Variants in SESTD1 observed in about 807,000 individuals in gnomAD.
SESTD1 encodes SEC14 and spectrin domain containing 1.
A neutral mutation model predicts 101.7 loss-of-function variants in SESTD1; 43 were observed. The ratio of observed to expected loss-of-function variants is 0.42; its 90% CI spans 0.33 to 0.55. The LOEUF is 0.55. SESTD1 is among the 20% of genes least tolerant of loss of function. The pLI is 0.07. For synonymous variants in SESTD1, 283 were observed against 286.8 expected (o/e 0.99, Z 0.13); for missense variants, 647 against 815.1 (o/e 0.79, Z 2.51).
chr2:179,215,974 T>C (rs2046714929), intron 1 of SESTD1, among the ~76,000 whole-genome samples: 1 of 135,080 alleles, frequency 7.4e-6, no homozygotes, highest in South Asian at 2.8e-4. Flanking sequence ...TACTAGGTAT[T>C]GATGAAACAT....
intron 4 of SESTD1, among the ~76,000 whole-genome samples, chr2:179,172,649 A>G (rs181690565): frequency 1.3e-3 from 199 of 152,326 alleles, no homozygotes; most frequent in African/African-American, 4.6e-3. Flanking sequence ...TCTCACTAAA[A>G]TAAGTTTTTT....
chr2:179,116,841 T>C (rs1412152841), intron 14 of SESTD1, 51 bp from the exon 15 acceptor site: 5 of 1,585,748 alleles, frequency 3.2e-6, no homozygotes, highest in Non-Finnish European at 4.3e-6. Context: ...CTTTACTTAT[T>C]GTATCAAAAT....
chr2:179,149,326 A>G lies in SESTD1; in HGVS notation c.552T>C (p.Ser184=), dbSNP rs1188987431. 7.4e-6 allele frequency: 12 copies of G among 1,610,994 alleles called. No homozygotes were observed. Among genetic ancestry groups the G allele is most frequent in the Non-Finnish European group, 1.0e-5 (12 of 1,179,268 alleles). Residue 184 remains serine, a synonymous_variant, in exon 7 of 18, where the codon AGT becomes AGC. Transcript: ENST00000428443. ...LDELALINNG[S]DKGNQQEKER... ...CTTTCTCTTGCTGATTTCCTTTATC[A>G]CTTCCATTGTTAATCAAAGCAAGTT... is the stretch of plus-strand genomic sequence containing the variant.
At chr2:179,137,322 A>G (rs13396334) in intron 9 of SESTD1, among the ~76,000 whole-genome samples, 25,159 of 152,152 alleles carry the variant, frequency 0.17, 2,269 homozygotes, top group South Asian at 0.29. Context: ...CAGAACATGT[A>G]GAAGTATGCA....
intron 4 of SESTD1, 97 bp from the exon 5 acceptor site, chr2:179,172,330 G>A: frequency 1.5e-6 from 1 of 645,310 alleles, no homozygotes. Context: ...TGCTACATAA[G>A]AGATTTTTGG....
At chr2:179,174,637 T>C (rs1194025135) in intron 4 of SESTD1, among the ~76,000 whole-genome samples, 1 of 152,130 alleles carries the variant, frequency 6.6e-6, no homozygotes, top group East Asian at 1.9e-4. Flanking sequence ...GGACACCAAT[T>C]TGTGCTCCCT....
chr2:179,199,757 CCTTCATGCTAAAAA>C (rs2046473964), intron 1 of SESTD1, among the ~76,000 whole-genome samples: 1 of 152,104 alleles, frequency 6.6e-6, no homozygotes, highest in Non-Finnish European at 1.5e-5. Context: ...ATTCAACAAC[CCTTCATGCTAAAAA>C]CTCTCAATAA....
chr2:179,115,244 A>T lies in SESTD1; in HGVS notation c.1660T>A (p.Tyr554Asn), dbSNP rs2044602757. The T allele has an allele frequency of 4.4e-6, 7 of 1,587,090 alleles. No homozygotes were observed. Among genetic ancestry groups the T allele is most frequent in the Non-Finnish European group, 6.0e-6 (7 of 1,172,488 alleles). The change falls in exon 16 of 18, where the codon TAT (tyrosine) becomes AAT (asparagine). Residue 554 changes from tyrosine to asparagine, a missense_variant. Tyr to Asn is a moderately radical substitution (Grantham distance 143, BLOSUM62 -2). Coordinates refer to ENST00000428443, the MANE Select transcript of SESTD1 (RefSeq NM_178123.5). The part of the protein sequence containing the change: ...FVDVAQSTYD[Y>N]GRQLLQATVV... ...GTGGCCTGTAGCAACTGCCTGCCAT[A>T]GTCATAAGTGCTCTAAAAAAGAAAA...
intron 1 of SESTD1, among the ~76,000 whole-genome samples, chr2:179,195,862 A>G (rs75688487): frequency 6.6e-6 from 1 of 151,942 alleles, no homozygotes; most frequent in Non-Finnish European, 1.5e-5. Flanking sequence ...AAAAAAAAAA[A>G]GACTTCGTAT....
intron 1 of SESTD1, among the ~76,000 whole-genome samples, chr2:179,198,563 C>T (rs2046444387): frequency 1.3e-5 from 2 of 152,040 alleles, no homozygotes; most frequent in Non-Finnish European, 1.5e-5. Context: ...AAGTACAGCT[C>T]TCCTCAGCAA....
chr2:179,221,461 A>T (rs2046813665), intron 1 of SESTD1, among the ~76,000 whole-genome samples: 1 of 151,944 alleles, frequency 6.6e-6, no homozygotes, highest in African/African-American at 2.4e-5. Flanking sequence ...AAAAATACAA[A>T]AATTAGCCAG....
intron 1 of SESTD1, among the ~76,000 whole-genome samples, chr2:179,249,203 C>T (rs1200346870): frequency 8.7e-6 from 1 of 115,450 alleles, no homozygotes; most frequent in African/African-American, 3.8e-5. Flanking sequence ...AAATAAAAGG[C>T]ATACAGATTA....
chr2:179,186,083 AATAC>A (rs2046228211), intron 2 of SESTD1, among the ~76,000 whole-genome samples: 1 of 148,548 alleles, frequency 6.7e-6, no homozygotes, highest in African/African-American at 2.5e-5. Context: ...TATATAATAT[AATAC>A]ATACTAGGAA....
At chr2:179,139,150 C>CTGTT (rs2045222073) in intron 9 of SESTD1, among the ~76,000 whole-genome samples, 1 of 152,184 alleles carries the variant, frequency 6.6e-6, no homozygotes, top group Non-Finnish European at 1.5e-5. Flanking sequence ...GAGCCCCTCA[C>CTGTT]TGTTATTTAG....
chr2:179,112,025 C>T (rs974806107), intron 17 of SESTD1, among the ~76,000 whole-genome samples: 12 of 152,176 alleles, frequency 7.9e-5, no homozygotes, highest in African/African-American at 2.9e-4. Context: ...GGCTGAAGCT[C>T]TTCCTGATTC....
At chr2:179,258,438 C>T (rs1360508027) in intron 1 of SESTD1, among the ~76,000 whole-genome samples, 1 of 152,132 alleles carries the variant, frequency 6.6e-6, no homozygotes, top group Non-Finnish European at 1.5e-5. Context: ...AACTCATAAG[C>T]AAAAGCTCTG....
chr2:179,111,059 A>AGACT (rs778619156), intron 17 of SESTD1, among the ~76,000 whole-genome samples: 1 of 152,178 alleles, frequency 6.6e-6, no homozygotes, highest in East Asian at 1.9e-4. Context: ...GTAGAACAGG[A>AGACT]GACTGACTGT....
rs150706973 is a variant in SESTD1, at chr2:179,143,754, G to A, written c.687C>T (p.Asp229=). ...CCATAGGAGACCATGAAACCCCTCCGTCTGAGCCATTAAATCGACGCTGCT... is the reference window on the plus strand; with the variant it reads ...CCATAGGAGACCATGAAACCCCTCCATCTGAGCCATTAAATCGACGCTGCT... ...ELQQRRFNGS[D]GGVSWSPMDD... Residue 229 remains aspartate (D), a synonymous_variant, in exon 9 of 18, where the codon GAC becomes GAT. Coordinates refer to ENST00000428443, the MANE Select transcript of SESTD1 (RefSeq NM_178123.5). 7.4e-6 allele frequency: 12 copies of A among 1,613,708 alleles called. No homozygotes were observed. Among genetic ancestry groups the A allele is most frequent in the African/African-American group, 4.0e-5 (3 of 74,860 alleles).
At chr2:179,182,153 G>T (rs898071607) in intron 3 of SESTD1, among the ~76,000 whole-genome samples, 1 of 151,982 alleles carries the variant, frequency 6.6e-6, no homozygotes, top group South Asian at 2.1e-4. Context: ...AACATACAAA[G>T]AATTGTTTAC....
Sources: allele counts gnomAD v4.1 joint callset (sites outside exome capture counted in the v4.1 genomes callset), GRCh38; gene constraint gnomAD v4.1.1; transcripts MANE v1.5; gene names NCBI Gene and HGNC (gene_info 2026-07-23, HGNC 2026-07-21).